The following SLC14A2 variants were observed in gnomAD, a reference collection of about 807,000 sequenced individuals.
SLC14A2 encodes the protein urea transporter 2.
A neutral mutation model predicts 104.6 loss-of-function variants in SLC14A2; 91 were observed. The ratio of observed to expected loss-of-function variants is 0.87; its 90% CI spans 0.73 to 1.04. The LOEUF is 1.04. SLC14A2 is among the 50% of genes least tolerant of loss of function. The pLI, the probability that SLC14A2 is intolerant of heterozygous loss-of-function variation, is 0.00. For missense variants in SLC14A2, 1,189 were observed against 1,156.0 expected, an observed-to-expected ratio of 1.03 and a Z score of -0.41; for synonymous variants, 476 against 466.4, an observed-to-expected ratio of 1.02 and a Z score of -0.27.
intron 19 of SLC14A2, among the ~76,000 whole-genome samples, chr18:45,680,767 T>C (rs1253463224): frequency 6.6e-6 from 1 of 152,340 alleles, no homozygotes; most frequent in Non-Finnish European, 1.5e-5. Flanking sequence ...TAAATGGCCA[T>C]AGCAAGGTGA....
At chr18:45,173,139 CCAA>C in the SLC14A2 span, among the ~76,000 whole-genome samples, 1 of 151,936 alleles carries the variant, frequency 6.6e-6, no homozygotes. Context: ...GTAGTATTCA[CCAA>C]CTACATGGCC....
At chr18:45,532,850 A>T (rs1325292475) in intron 2 of SLC14A2, among the ~76,000 whole-genome samples, 2 of 151,934 alleles carry the variant, frequency 1.3e-5, no homozygotes, top group Non-Finnish European at 2.9e-5. Context: ...TAGATAGCTC[A>T]TATTATTTTG....
chr18:45,641,240 C>G lies in SLC14A2; in HGVS notation c.1023C>G (p.Ile341Met). The G allele has an allele frequency of 6.2e-7, 1 of 1,614,170 alleles. No homozygotes were observed. The highest frequency in any genetic ancestry group is 1.1e-5 in the South Asian group (1 of 91,084). ...ALSVATPFET[I>M]YTGLWSYNCV... is the part of the protein sequence containing the mutation. Reference sequence around the variant, plus strand: ...CAGTGGCCACACCCTTCGAGACCATCTACACAGGCCTCTGGAGCTACAACT... The same window carrying G: ...CAGTGGCCACACCCTTCGAGACCATGTACACAGGCCTCTGGAGCTACAACT... Residue 341 changes from isoleucine to methionine, a missense_variant, in exon 8 of 20, where the codon ATC becomes ATG. By Grantham distance (10) the Ile-to-Met change is conservative. Coordinates refer to ENST00000255226, the MANE Select transcript of SLC14A2 (RefSeq NM_007163.4).
Position 45,668,364 on chromosome 18 carries a change from A to G in SLC14A2, c.1923A>G (p.Ala641=). The change falls in exon 15 of 20, where the codon GCA becomes GCG. Residue 641 remains alanine (A), a synonymous_variant. Transcript: ENST00000255226. ...CTCCTGCCAGGTCGGCCATCGCTGC[A>G]GGATTTCACGGCTACAATGGGGTGC... is the stretch of plus-strand genomic sequence containing the variant. ...ILSQDKSAIA[A]GFHGYNGVLV... is the part of the protein sequence containing the mutation. The G allele has an allele frequency of 6.2e-7, 1 of 1,614,106 alleles. No individual in the cohort carries two copies. The highest frequency in any genetic ancestry group is 8.5e-7 in the Non-Finnish European group (1 of 1,180,006).
chr18:45,441,373 C>T (rs952581710), intron 1 of SLC14A2, among the ~76,000 whole-genome samples: 2 of 152,108 alleles, frequency 1.3e-5, no homozygotes, highest in African/African-American at 4.8e-5. Context: ...CATTTCTCTG[C>T]CCTCACACTC....
At chr18:45,535,553 A>C (rs991346555) in intron 2 of SLC14A2, among the ~76,000 whole-genome samples, 5 of 152,274 alleles carry the variant, frequency 3.3e-5, no homozygotes, top group Middle Eastern at 3.4e-3. Flanking sequence ...AACTTGTCTA[A>C]GATTGTGCAA....
At chr18:45,682,031 A>G (rs1057414517) in intron 19 of SLC14A2, among the ~76,000 whole-genome samples, 6 of 152,248 alleles carry the variant, frequency 3.9e-5, no homozygotes. Flanking sequence ...CTTCTGACAA[A>G]ACACAGCCTC....
intron 1 of SLC14A2, among the ~76,000 whole-genome samples, chr18:45,397,582 A>G (rs1269223496): frequency 2.0e-5 from 3 of 152,162 alleles, no homozygotes; most frequent in Non-Finnish European, 4.4e-5. Context: ...TCAGATGCAT[A>G]GTTTGCAAAT....
In SLC14A2 at chr18:45,388,064, C is replaced by CTTTTTTT. The variant is rs58962313; in HGVS notation, c.-124-95145_-124-95139dup. Among the ~76,000 whole-genome samples the CTTTTTTT allele has an allele frequency of 5.9e-4, 41 of 69,094 alleles. 6 individuals carry two copies. Among genetic ancestry groups the CTTTTTTT allele is most frequent in the African/African-American group, 2.0e-3 (34 of 16,642 alleles). The allele number at this position is 69,094 out of a possible 152,430, so 45.3% of individuals were successfully genotyped here. ...TGCCCTAAGCTCACCTTGCTCATAT[C>CTTTTTTT]TTTTTTTTTTTTTTTTTTTTTTTTT... On this transcript the variant is annotated intron_variant, in intron 1 of 20. Coordinates refer to the SLC14A2 transcript ENST00000586448.
intron 1 of SLC14A2, among the ~76,000 whole-genome samples, chr18:45,235,971 A>G (rs1376107915): frequency 1.1e-5 from 1 of 87,566 alleles, no homozygotes; most frequent in Non-Finnish European, 2.1e-5. Context: ...ATATATACAT[A>G]TATGTGTGTA....
At chr18:45,622,634 C>T (rs2045192160) in intron 1 of SLC14A2, among the ~76,000 whole-genome samples, 1 of 152,134 alleles carries the variant, frequency 6.6e-6, no homozygotes, top group African/African-American at 2.4e-5. Flanking sequence ...CTGCAAAATG[C>T]TCCTGTTACA....
At chr18:45,665,313 T>C (rs2045999465) in intron 11 of SLC14A2, among the ~76,000 whole-genome samples, 1 of 152,138 alleles carries the variant, frequency 6.6e-6, no homozygotes, top group Non-Finnish European at 1.5e-5. Context: ...AACCAAAGCA[T>C]CAAGAAGGAA....
At chr18:45,573,781 A>ATGAG (rs1292851388) in intron 2 of SLC14A2, among the ~76,000 whole-genome samples, 22 of 152,370 alleles carry the variant, frequency 1.4e-4, no homozygotes, top group African/African-American at 5.0e-4. Context: ...CTGTAGGCCA[A>ATGAG]TGAGTAAAAT....
intron 2 of SLC14A2, among the ~76,000 whole-genome samples, chr18:45,609,064 C>A (rs2044924419): frequency 1.3e-5 from 2 of 152,270 alleles, no homozygotes; most frequent in South Asian, 4.2e-4. Context: ...GGGGAAGAAG[C>A]CCCACCAGGG....
At chr18:45,603,624 T>A (rs1310158384) in intron 2 of SLC14A2, among the ~76,000 whole-genome samples, 1 of 152,212 alleles carries the variant, frequency 6.6e-6, no homozygotes, top group African/African-American at 2.4e-5. Flanking sequence ...CTGCCTTTAC[T>A]CTTTTTCAAC....
the SLC14A2 span, among the ~76,000 whole-genome samples, chr18:45,207,703 T>C: frequency 6.6e-6 from 1 of 152,160 alleles, no homozygotes; most frequent in African/African-American, 2.4e-5. Flanking sequence ...GAGTTAGAGA[T>C]GGGTCATAGA....
chr18:45,421,646 A>G (rs1422691829), intron 1 of SLC14A2, among the ~76,000 whole-genome samples: 1 of 152,206 alleles, frequency 6.6e-6, no homozygotes, highest in Non-Finnish European at 1.5e-5. Context: ...CCTTTTCTCA[A>G]AAGTCAAATC....
chr18:45,632,548 A>G, intron 5 of SLC14A2, 70 bp downstream of exon 5: 1 of 1,554,124 alleles, frequency 6.4e-7, no homozygotes, highest in African/African-American at 1.4e-5. Flanking sequence ...TATACTGGCC[A>G]GAGACAGGAC....
chr18:45,614,322 C>T (rs1332467680), upstream of SLC14A2, among the ~76,000 whole-genome samples: 1 of 152,214 alleles, frequency 6.6e-6, no homozygotes, highest in Non-Finnish European at 1.5e-5. Flanking sequence ...GGGGTAGAGA[C>T]CTCATAGAGA....
Sources: allele counts gnomAD v4.1 joint callset (sites outside exome capture counted in the v4.1 genomes callset), GRCh38; gene constraint gnomAD v4.1.1; transcripts MANE v1.5; gene names NCBI Gene and HGNC (gene_info 2026-07-23, HGNC 2026-07-21).